Variants in GYG2 observed in about 807,000 individuals in gnomAD.
The protein encoded by GYG2 is glycogenin 2.
A neutral mutation model predicts 29.4 loss-of-function variants in GYG2; 29 were observed. The ratio of observed to expected loss-of-function variants is 0.99; its 90% CI spans 0.74 to 1.35. The LOEUF (loss-of-function observed/expected upper bound fraction) is 1.35. Among genes scored for constraint, GYG2 ranks in the 40% most tolerant of loss-of-function variants. GYG2 has a pLI of 0.00. For missense variants in GYG2, 370 were observed against 385.7 expected, an observed-to-expected ratio of 0.96 and a Z score of 0.34; for synonymous variants, 167 against 172.3, an observed-to-expected ratio of 0.97 and a Z score of 0.24.
Position 2,850,699 on chromosome X carries a change from TC to T in GYG2, c.150-3279del, listed in dbSNP as rs774558102. On this transcript the variant is annotated intron_variant, in intron 3 of 10. Transcript: ENST00000398806. ...TTGTGAAATTCCTTCTCCTGGCTCA[TC>T]CTGGCTCAAAAGCTCCCCTACTGAG... Among the ~76,000 whole-genome samples the T allele has an allele frequency of 3.6e-5, 4 of 111,316 alleles. No individual in the cohort carries two copies. The South Asian group carries it at 1.5e-3, about 43-fold the overall frequency.
At chrX:2,848,544 A>AGG (rs1198091267) in intron 3 of GYG2, among the ~76,000 whole-genome samples, 3 of 3,634 alleles carry the variant, frequency 8.3e-4, no homozygotes, top group African/African-American at 1.5e-3. Context: ...TCAAAAAAGA[A>AGG]GGGAAAAAAA....
At chrX:2,833,174 C>T (rs1410761228) in intron 2 of GYG2, among the ~76,000 whole-genome samples, 1 of 111,222 alleles carries the variant, frequency 9.0e-6, no homozygotes, top group African/African-American at 3.3e-5. Flanking sequence ...CTCCTGACGC[C>T]TCTCTCCTTG....
intron 2 of GYG2, among the ~76,000 whole-genome samples, chrX:2,839,626 A>G (rs6642036): frequency 0.052 from 5,726 of 110,480 alleles, 393 homozygotes; most frequent in African/African-American, 0.18. Flanking sequence ...GAAGGGAGAA[A>G]GGGGAGATAC....
intron 2 of GYG2, among the ~76,000 whole-genome samples, chrX:2,834,317 G>C (rs1328894665): frequency 8.9e-6 from 1 of 111,945 alleles, no homozygotes; most frequent in Non-Finnish European, 1.9e-5. Flanking sequence ...TGAAGCACAT[G>C]TCTGTGTTGG....
chrX:2,869,016 T>TAAA (rs34020477), intron 8 of GYG2, among the ~76,000 whole-genome samples: 1 of 96,501 alleles, frequency 1.0e-5, no homozygotes, highest in Non-Finnish European at 2.1e-5. Flanking sequence ...CTGAACATCT[T>TAAA]AAAAAAAAAA....
chrX:2,837,403 T>C (rs1394321072), intron 2 of GYG2, among the ~76,000 whole-genome samples: 2 of 111,375 alleles, frequency 1.8e-5, no homozygotes, highest in Non-Finnish European at 3.8e-5. Context: ...CAGTCATCTG[T>C]TTCTGGAGGA....
At chrX:2,840,967 GGATA>G (rs951134685) in intron 2 of GYG2, among the ~76,000 whole-genome samples, 9 of 105,408 alleles carry the variant, frequency 8.5e-5, no homozygotes, top group Non-Finnish European at 1.6e-4. Context: ...ATGGATGGAT[GGATA>G]GATAGATATA....
In GYG2 at chrX:2,877,324, T is replaced by A; in HGVS notation, c.1251+17T>A. On this transcript the variant is annotated intron_variant, in intron 10 of 10. Coordinates refer to ENST00000398806, the MANE Select transcript of GYG2 (RefSeq NM_001079855.2). Reference sequence around the variant, plus strand: ...GCACTGGAGGTGGTATCCAAATTCTTCCCCTTGCCCAAGGCTCCCGGTGGG... The same window carrying A: ...GCACTGGAGGTGGTATCCAAATTCTACCCCTTGCCCAAGGCTCCCGGTGGG... 1 of 1,204,894 alleles carries A rather than the reference T, an allele frequency of 8.3e-7. No individual in the cohort carries two copies. Among genetic ancestry groups the A allele is most frequent in the Non-Finnish European group, 1.1e-6 (1 of 891,309 alleles).
At chrX:2,851,039 TGAATA>T (rs1176192825) in intron 3 of GYG2, among the ~76,000 whole-genome samples, 1 of 111,994 alleles carries the variant, frequency 8.9e-6, no homozygotes, top group African/African-American at 3.2e-5. Flanking sequence ...ATAATAAACA[TGAATA>T]GATTAAAATT....
At chrX:2,832,511 C>T (rs2087287668) in intron 2 of GYG2, among the ~76,000 whole-genome samples, 1 of 111,379 alleles carries the variant, frequency 9.0e-6, no homozygotes, top group South Asian at 3.8e-4. Flanking sequence ...ACAGGGTCTT[C>T]CCTTTGTGTG....
chrX:2,848,120 A>C (rs1333408418), intron 3 of GYG2, among the ~76,000 whole-genome samples: 2 of 112,410 alleles, frequency 1.8e-5, no homozygotes, highest in African/African-American at 6.5e-5. Flanking sequence ...AAAATATTAT[A>C]ATGGAGAGGT....
At chrX:2,851,662 T>A in intron 3 of GYG2, among the ~76,000 whole-genome samples, 1 of 112,297 alleles carries the variant, frequency 8.9e-6, no homozygotes, top group East Asian at 2.8e-4. Context: ...GTGCATGATG[T>A]CTGTATGTCC....
chrX:2,837,754 C>T (rs955500952), intron 2 of GYG2, among the ~76,000 whole-genome samples: 2 of 110,761 alleles, frequency 1.8e-5, no homozygotes, highest in African/African-American at 6.6e-5. Context: ...TTCAGTTTGA[C>T]ATTACTTTGC....
chrX:2,830,272 G>T (rs1302432098), intron 2 of GYG2, 77 bp downstream of exon 2: 34 of 931,564 alleles, frequency 3.6e-5, no homozygotes, highest in Admixed American at 3.6e-4. Flanking sequence ...GCACTGGGGA[G>T]AACCCCACTT....
chrX:2,834,942 G>A (rs1046423845), intron 2 of GYG2, among the ~76,000 whole-genome samples: 4 of 111,564 alleles, frequency 3.6e-5, no homozygotes, highest in Admixed American at 9.5e-5. Flanking sequence ...GGACATGCCC[G>A]TGACACAGCT....
At chrX:2,830,464 T>A (rs1455316929) in intron 2 of GYG2, among the ~76,000 whole-genome samples, 1 of 112,251 alleles carries the variant, frequency 8.9e-6, no homozygotes, top group African/African-American at 3.2e-5. Context: ...AAACTTTCAA[T>A]GGGCTTGTTT....
At chrX:2,836,768 T>C (rs2087382381) in intron 2 of GYG2, among the ~76,000 whole-genome samples, 1 of 106,307 alleles carries the variant, frequency 9.4e-6, no homozygotes, top group Admixed American at 1.0e-4. Context: ...AGCCCAGGAG[T>C]TCGAGACCAG....
intron 8 of GYG2, among the ~76,000 whole-genome samples, chrX:2,862,996 G>A (rs2088205916): frequency 2.7e-5 from 3 of 109,842 alleles, no homozygotes; most frequent in Middle Eastern, 4.6e-3. Flanking sequence ...GGAGGTCAAG[G>A]CTGTAGTGAG....
intron 3 of GYG2, among the ~76,000 whole-genome samples, chrX:2,846,227 C>T (rs1370735251): frequency 6.9e-5 from 7 of 101,812 alleles, no homozygotes; most frequent in African/African-American, 2.5e-4. Context: ...ACATCACGCC[C>T]GGCTAATTTT....
Sources: gnomAD v4.1 joint callset for allele counts (sites outside exome capture counted in the v4.1 genomes callset) on GRCh38, gnomAD v4.1.1 for gene constraint, MANE v1.5 for transcripts, NCBI Gene and HGNC (gene_info 2026-07-23, HGNC 2026-07-21) for gene names.